Variants in FOXP1 observed in about 807,000 individuals in gnomAD.
FOXP1 encodes forkhead box protein P1.
In FOXP1, 15 loss-of-function variants were observed where a neutral mutation model predicts 98.2. The ratio of observed to expected loss-of-function variants is 0.15; its 90% confidence interval spans 0.10 to 0.24. The LOEUF is 0.24. Among genes scored for constraint, FOXP1 ranks in the 10% least tolerant of loss-of-function variants. The probability of loss-of-function intolerance (pLI) is 1.00; values close to 1 mark genes in which losing one functional copy is unlikely to be tolerated. For synonymous variants in FOXP1, 371 were observed against 314.5 expected (o/e 1.18, Z -1.90); for missense variants, 633 against 848.5 (o/e 0.75, Z 3.15).
chr3:71,227,643 G>C (rs1288780601), intron 5 of FOXP1, among the ~76,000 whole-genome samples: 1 of 151,092 alleles, frequency 6.6e-6, no homozygotes, highest in Non-Finnish European at 1.5e-5. Flanking sequence ...AACTTGTCTT[G>C]TTCTCTTACA....
chr3:71,216,452 T>C (rs775190885), intron 5 of FOXP1, among the ~76,000 whole-genome samples: 2 of 152,182 alleles, frequency 1.3e-5, no homozygotes, highest in Non-Finnish European at 2.9e-5. Flanking sequence ...GAATGGTTGA[T>C]TTGAATGGGC....
At chr3:71,560,048 CAA>C (rs2046420804) in intron 2 of FOXP1, among the ~76,000 whole-genome samples, 1 of 152,254 alleles carries the variant, frequency 6.6e-6, no homozygotes, top group African/African-American at 2.4e-5. Context: ...GAAAGCAAGA[CAA>C]GAGATGGAAA....
At chr3:71,229,540 T>A (rs2066115094) in intron 5 of FOXP1, among the ~76,000 whole-genome samples, 2 of 152,126 alleles carry the variant, frequency 1.3e-5, no homozygotes, top group African/African-American at 4.8e-5. Context: ...AAGCATAGCT[T>A]CAGAGTCATT....
chr3:71,175,751 A>C (rs771892890), intron 6 of FOXP1, among the ~76,000 whole-genome samples: 1 of 152,222 alleles, frequency 6.6e-6, no homozygotes. Flanking sequence ...GGAAATGTAC[A>C]TAGTTTGACT....
At chr3:71,144,474 T>C (rs777553188) in intron 6 of FOXP1, among the ~76,000 whole-genome samples, 2 of 152,178 alleles carry the variant, frequency 1.3e-5, no homozygotes, top group Non-Finnish European at 2.9e-5. Context: ...TCTCCACACC[T>C]GAGCTGTAAA....
chr3:71,360,745 A>G (rs2107908599), intron 3 of FOXP1: 1 of 152,224 alleles, frequency 6.6e-6, no homozygotes, highest in East Asian at 1.9e-4. Context: ...GTCTGTGTGC[A>G]GTGTTCTCTT....
intron 3 of FOXP1, among the ~76,000 whole-genome samples, chr3:71,431,566 AG>A (rs2084722820): frequency 6.6e-6 from 1 of 152,200 alleles, no homozygotes; most frequent in African/African-American, 2.4e-5. Context: ...GAACCAAGTA[AG>A]TGGCGAAGCA....
chr3:71,010,473 T>C (rs565756541), intron 12 of FOXP1, among the ~76,000 whole-genome samples: 1 of 152,276 alleles, frequency 6.6e-6, no homozygotes, highest in Non-Finnish European at 1.5e-5. Context: ...ATGTGAAGCA[T>C]TTCGGGACTA....
chr3:71,459,944 C>T (rs55949564), intron 3 of FOXP1, among the ~76,000 whole-genome samples: 45,551 of 144,840 alleles, frequency 0.31, 7,946 homozygotes, highest in Non-Finnish European at 0.42. Flanking sequence ...TTTTTTTTTT[C>T]TTTTTTTAAG....
intron 3 of FOXP1, among the ~76,000 whole-genome samples, chr3:71,366,366 G>A (rs2107948319): frequency 6.6e-6 from 1 of 152,210 alleles, no homozygotes; most frequent in South Asian, 2.1e-4. Flanking sequence ...TATTTTATAG[G>A]TTGTAGTCAT....
intron 4 of FOXP1, among the ~76,000 whole-genome samples, chr3:71,310,879 A>C (rs755335207): frequency 1.3e-5 from 2 of 152,214 alleles, no homozygotes; most frequent in Non-Finnish European, 2.9e-5. Context: ...CAGGCTCTCA[A>C]AGATATTCCT....
intron 20 of FOXP1, 133 bp downstream of exon 20, chr3:70,965,757 C>T (rs2034628631): frequency 1.1e-6 from 1 of 947,798 alleles, no homozygotes; most frequent in African/African-American, 1.6e-5. Context: ...GAAGTACAAA[C>T]TTCTAGCTTG....
chr3:71,487,963 T>G (rs1002477287), intron 3 of FOXP1, among the ~76,000 whole-genome samples: 1 of 152,184 alleles, frequency 6.6e-6, no homozygotes, highest in African/African-American at 2.4e-5. Context: ...AATGCAGAAA[T>G]TTAACAGATT....
chr3:70,966,091 A>G, intron 19 of FOXP1, 35 bp from the exon 20 acceptor site: 1 of 1,576,482 alleles, frequency 6.3e-7, no homozygotes. Context: ...ATGAAGACAC[A>G]GGGTATGTAA....
chr3:71,005,043 G>A (rs1023644811), intron 12 of FOXP1, among the ~76,000 whole-genome samples: 2 of 152,024 alleles, frequency 1.3e-5, no homozygotes, highest in African/African-American at 4.8e-5. Flanking sequence ...GACCGAAATT[G>A]ATGCAAATAT....
At chr3:71,311,537 C>T (rs889622687) in intron 4 of FOXP1, among the ~76,000 whole-genome samples, 5 of 152,182 alleles carry the variant, frequency 3.3e-5, no homozygotes, top group Non-Finnish European at 5.9e-5. Flanking sequence ...TACTGTTGTA[C>T]GTAAAATGGC....
At chr3:71,582,005 A>T (rs917974231) in intron 1 of FOXP1, 1 of 968,544 alleles carries the variant, frequency 1.0e-6, no homozygotes, top group Admixed American at 6.2e-5. Context: ...GGATACGATC[A>T]CGGGCGCAAG....
chr3:71,526,927 A>G (rs1433236025), intron 2 of FOXP1, among the ~76,000 whole-genome samples: 1 of 149,106 alleles, frequency 6.7e-6, no homozygotes, highest in Non-Finnish European at 1.5e-5. Flanking sequence ...AGATCACGCC[A>G]TTGCACTCCA....
intron 5 of FOXP1, among the ~76,000 whole-genome samples, chr3:71,206,580 G>C (rs2064050455): frequency 6.8e-6 from 1 of 147,304 alleles, no homozygotes; most frequent in Non-Finnish European, 1.5e-5. Flanking sequence ...TCTTCACCAG[G>C]CTTTCAATGT....
Sources: allele counts gnomAD v4.1 joint callset (sites outside exome capture counted in the v4.1 genomes callset), GRCh38; gene constraint gnomAD v4.1.1; transcripts MANE v1.5; gene names NCBI Gene and HGNC (gene_info 2026-07-23, HGNC 2026-07-21).